The following IGF1R variants were observed in gnomAD, a reference collection of about 807,000 sequenced individuals.
IGF1R encodes the protein insulin like growth factor 1 receptor, also known as insulin-like growth factor 1 receptor.
A neutral mutation model predicts 144.6 loss-of-function variants in IGF1R; 44 were observed. The observed-to-expected ratio is 0.30, with a 90% confidence interval of 0.24 to 0.39. IGF1R has a LOEUF of 0.39. Ranked by LOEUF, IGF1R falls within the 10% of genes least tolerant of loss-of-function variation. The probability of loss-of-function intolerance (pLI) is 1.00; values close to 1 mark genes in which losing one functional copy is unlikely to be tolerated. For synonymous variants in IGF1R, 795 were observed against 722.8 expected, an observed-to-expected ratio of 1.10 and a Z score of -1.60; for missense variants, 1,355 against 1,833.7, an observed-to-expected ratio of 0.74 and a Z score of 4.77.
chr15:98,860,354 G>C (rs1189011822), intron 2 of IGF1R, among the ~76,000 whole-genome samples: 1 of 152,208 alleles, frequency 6.6e-6, no homozygotes, highest in Non-Finnish European at 1.5e-5. Context: ...CTTCTTAGTA[G>C]ATTTTGAACT....
Position 98,851,477 on chromosome 15 carries a change from C to CA in IGF1R, c.641-39848_641-39847insA, listed in dbSNP as rs2011525590. Among the ~76,000 whole-genome samples, 3 of 152,296 alleles carry CA rather than the reference C, an allele frequency of 2.0e-5. No homozygotes were observed. In the East Asian group the frequency reaches 5.8e-4, roughly 29 times the overall value. On this transcript the variant is annotated intron_variant, in intron 2 of 20. Coordinates refer to ENST00000650285, the MANE Select transcript of IGF1R (RefSeq NM_000875.5). ...TGGAGATCCCTCCTGTGTCCAGCCT[C>CA]CCCCTCCCCGTGGCCTTCTCCTACC...
chr15:98,873,184 T>C (rs1247284525), intron 2 of IGF1R, among the ~76,000 whole-genome samples: 2 of 152,174 alleles, frequency 1.3e-5, no homozygotes, highest in Non-Finnish European at 2.9e-5. Context: ...ATGGGATATC[T>C]CACAAGACTT....
chr15:98,686,041 T>C (rs1053814029), intron 1 of IGF1R, among the ~76,000 whole-genome samples: 2 of 152,232 alleles, frequency 1.3e-5, no homozygotes, highest in Non-Finnish European at 1.5e-5. Flanking sequence ...CAACTCCCCA[T>C]TGCCTTTTTC....
chr15:98,723,657 A>G (rs1433939634), intron 2 of IGF1R, among the ~76,000 whole-genome samples: 1 of 152,180 alleles, frequency 6.6e-6, no homozygotes, highest in Non-Finnish European at 1.5e-5. Flanking sequence ...TGCATTTAGT[A>G]TGGATCATGA....
intron 1 of IGF1R, among the ~76,000 whole-genome samples, chr15:98,698,725 C>G (rs962894573): frequency 4.6e-5 from 7 of 152,212 alleles, no homozygotes; most frequent in African/African-American, 1.7e-4. Context: ...TGAATACTAG[C>G]CCAGTCCTTT....
chr15:98,938,989 G>A (rs998723042), intron 17 of IGF1R, among the ~76,000 whole-genome samples: 1 of 152,200 alleles, frequency 6.6e-6, no homozygotes, highest in Non-Finnish European at 1.5e-5. Flanking sequence ...GCTCTGATGT[G>A]GTCAGGGAGC....
chr15:98,692,949 C>T (rs779480541), intron 1 of IGF1R, among the ~76,000 whole-genome samples: 40 of 152,130 alleles, frequency 2.6e-4, no homozygotes, highest in Admixed American at 1.1e-3. Flanking sequence ...GACCCTGGAT[C>T]CTTAGTCTCC....
chr15:98,786,018 G>A (rs968053026), intron 2 of IGF1R, among the ~76,000 whole-genome samples: 6 of 152,332 alleles, frequency 3.9e-5, no homozygotes, highest in African/African-American at 1.4e-4. Flanking sequence ...CCCCTCCCCT[G>A]CAGACTCTGC....
chr15:98,895,690 C>T (rs901990787), intron 3 of IGF1R, among the ~76,000 whole-genome samples: 1 of 152,172 alleles, frequency 6.6e-6, no homozygotes, highest in Non-Finnish European at 1.5e-5. Context: ...AACCCTGCAT[C>T]TTTGTCTTAG....
chr15:98,750,205 C>T (rs2054975378), intron 2 of IGF1R, among the ~76,000 whole-genome samples: 1 of 144,356 alleles, frequency 6.9e-6, no homozygotes, highest in Admixed American at 6.7e-5. Context: ...AGAAAGGCCT[C>T]ACATCAGGTG....
intron 2 of IGF1R, 64 bp downstream of exon 2, chr15:98,708,171 T>C: frequency 7.2e-7 from 1 of 1,386,684 alleles, no homozygotes; most frequent in Non-Finnish European, 1.0e-6. Context: ...CTCCTTGACC[T>C]CCCTTCTCTT....
intron 2 of IGF1R, among the ~76,000 whole-genome samples, chr15:98,855,104 G>C (rs192367494): frequency 6.6e-6 from 1 of 152,096 alleles, no homozygotes; most frequent in Non-Finnish European, 1.5e-5. Flanking sequence ...TGCCTTCCGC[G>C]CTAATGGGAC....
At chr15:98,764,282 A>G (rs1340947613) in intron 2 of IGF1R, among the ~76,000 whole-genome samples, 1 of 152,224 alleles carries the variant, frequency 6.6e-6, no homozygotes, top group Non-Finnish European at 1.5e-5. Flanking sequence ...AATGGAATGG[A>G]GTAATATTCA....
At chr15:98,711,216 C>T (rs2053983976) in intron 2 of IGF1R, among the ~76,000 whole-genome samples, 1 of 152,128 alleles carries the variant, frequency 6.6e-6, no homozygotes, top group African/African-American at 2.4e-5. Context: ...ACCTTGAGTT[C>T]AACATAAGCA....
At chr15:98,730,334 C>G (rs2063399766) in intron 2 of IGF1R, among the ~76,000 whole-genome samples, 3 of 152,136 alleles carry the variant, frequency 2.0e-5, no homozygotes, top group Non-Finnish European at 4.4e-5. Flanking sequence ...GAAATCACTT[C>G]TTGTCTGACA....
intron 2 of IGF1R, among the ~76,000 whole-genome samples, chr15:98,737,005 C>G (rs959511534): frequency 6.6e-6 from 1 of 152,074 alleles, no homozygotes; most frequent in Admixed American, 6.6e-5. Context: ...TGCCAAGACT[C>G]GTAGAACTAA....
chr15:98,886,848 C>T (rs1158445603), intron 2 of IGF1R, among the ~76,000 whole-genome samples: 1 of 152,150 alleles, frequency 6.6e-6, no homozygotes, highest in African/African-American at 2.4e-5. Context: ...CACTTGCTCA[C>T]GTTCTCTTGC....
intron 1 of IGF1R, among the ~76,000 whole-genome samples, chr15:98,697,192 C>A (rs992465956): frequency 6.6e-6 from 1 of 152,168 alleles, no homozygotes; most frequent in African/African-American, 2.4e-5. Flanking sequence ...AAAGGAAGAA[C>A]TGTGTTGGGG....
At chr15:98,664,191 C>A (rs115532565) in intron 1 of IGF1R, among the ~76,000 whole-genome samples, 8 of 152,134 alleles carry the variant, frequency 5.3e-5, no homozygotes, top group Admixed American at 5.2e-4. Context: ...GAGTTTCAGA[C>A]GGTCTCCGCT....
Sources: allele counts gnomAD v4.1 joint callset (sites outside exome capture counted in the v4.1 genomes callset), GRCh38; gene constraint gnomAD v4.1.1; transcripts MANE v1.5; gene names NCBI Gene and HGNC (gene_info 2026-07-23, HGNC 2026-07-21).